The following MAML2 variants were observed in gnomAD, a reference collection of about 807,000 sequenced individuals.
MAML2 encodes the protein mastermind-like protein 2.
A neutral mutation model predicts 96.1 loss-of-function variants in MAML2; 22 were observed. The observed-to-expected ratio is 0.23, with a 90% confidence interval of 0.16 to 0.33. MAML2 has a LOEUF of 0.33. MAML2 is among the 10% of genes least tolerant of loss of function. MAML2 has a pLI of 1.00. For missense variants in MAML2, 1,367 were observed against 1,392.4 expected (o/e 0.98, Z 0.29); for synonymous variants, 561 against 521.3 (o/e 1.08, Z -1.04).
intron 1 of MAML2, among the ~76,000 whole-genome samples, chr11:96,219,191 A>C (rs1862096043): frequency 6.6e-6 from 1 of 152,240 alleles, no homozygotes; most frequent in South Asian, 2.1e-4. Flanking sequence ...TGGGCACTCA[A>C]TGTATTTAGG....
intron 2 of MAML2, among the ~76,000 whole-genome samples, chr11:96,058,038 T>G (rs1859096652): frequency 6.6e-6 from 1 of 152,266 alleles, no homozygotes; most frequent in Non-Finnish European, 1.5e-5. Context: ...AAGTTAGGTC[T>G]TAAATCTGTG....
At chr11:96,308,632 C>A (rs932850789) in intron 1 of MAML2, among the ~76,000 whole-genome samples, 1 of 152,204 alleles carries the variant, frequency 6.6e-6, no homozygotes, top group Non-Finnish European at 1.5e-5. Flanking sequence ...GTTGCTCTAA[C>A]ATCTCAGAAT....
At chr11:96,129,477 C>A (rs180755334) in intron 1 of MAML2, among the ~76,000 whole-genome samples, 1 of 152,218 alleles carries the variant, frequency 6.6e-6, no homozygotes, top group Non-Finnish European at 1.5e-5. Flanking sequence ...TACTTTATAC[C>A]CTTGGCTGCA....
At chr11:96,035,487 T>A (rs1028737052) in intron 2 of MAML2, among the ~76,000 whole-genome samples, 8 of 152,174 alleles carry the variant, frequency 5.3e-5, no homozygotes, top group African/African-American at 1.9e-4. Flanking sequence ...TGTTAGCTCC[T>A]GGCACTGGAA....
At chr11:96,013,475 T>C (rs1858295322) in intron 2 of MAML2, among the ~76,000 whole-genome samples, 1 of 151,914 alleles carries the variant, frequency 6.6e-6, no homozygotes, top group Non-Finnish European at 1.5e-5. Flanking sequence ...AAGTACTGGG[T>C]AGAGAAAGGC....
intron 1 of MAML2, among the ~76,000 whole-genome samples, chr11:96,100,850 A>T (rs540377119): frequency 6.7e-6 from 1 of 150,056 alleles, no homozygotes; most frequent in Non-Finnish European, 1.5e-5. Flanking sequence ...GGCTTAAGTG[A>T]TCCTTTCCCC....
intron 1 of MAML2, among the ~76,000 whole-genome samples, chr11:96,148,767 AAGAC>A (rs1265181863): frequency 1.3e-5 from 2 of 151,160 alleles, no homozygotes; most frequent in African/African-American, 4.9e-5. Context: ...GTGTATGAGA[AAGAC>A]AGACAGCACA....
intron 2 of MAML2, among the ~76,000 whole-genome samples, chr11:96,048,316 G>T (rs988849178): frequency 2.6e-5 from 4 of 152,112 alleles, no homozygotes; most frequent in African/African-American, 9.7e-5. Context: ...GAATCAAAAT[G>T]TAGTATAAAA....
At chr11:96,010,212 T>C (rs2135727040) in intron 2 of MAML2, among the ~76,000 whole-genome samples, 1 of 152,362 alleles carries the variant, frequency 6.6e-6, no homozygotes, top group East Asian at 1.9e-4. Context: ...TATGGATACA[T>C]ATTTAAACAT....
chr11:96,172,141 A>T (rs982822033), intron 1 of MAML2, among the ~76,000 whole-genome samples: 1 of 152,192 alleles, frequency 6.6e-6, no homozygotes, highest in African/African-American at 2.4e-5. Flanking sequence ...AAAAGTTTAG[A>T]CCTCTGCTTA....
At chr11:96,272,608 C>T (rs1862932748) in intron 1 of MAML2, among the ~76,000 whole-genome samples, 1 of 152,162 alleles carries the variant, frequency 6.6e-6, no homozygotes, top group Non-Finnish European at 1.5e-5. Flanking sequence ...TGTTGTTTTG[C>T]AAAGGCTGGA....
intron 2 of MAML2, among the ~76,000 whole-genome samples, chr11:96,078,429 T>C (rs1185300850): frequency 6.6e-6 from 1 of 152,226 alleles, no homozygotes; most frequent in African/African-American, 2.4e-5. Flanking sequence ...TTCTTTAAAT[T>C]GTTCCTACAG....
Position 96,342,558 on chromosome 11 carries a change from C to T in MAML2, c.-663G>A, listed in dbSNP as rs1864013355. On this transcript the variant is annotated 5_prime_UTR_variant, in exon 1 of 5. Transcript: ENST00000524717. ...TGTCTTTTGGCTTTTAATTTTTCCT[C>T]CCTTTCCTTTCGCTCCGGTGTTTTC... 7.6e-6 allele frequency: 3 copies of T among 396,724 alleles called. No individual in the cohort carries two copies. Among genetic ancestry groups the T allele is most frequent in the South Asian group, 1.4e-4 (1 of 7,154 alleles). The allele number at this position is 396,724 out of a possible 1,614,324, so 24.6% of individuals were successfully genotyped here.
In MAML2 at chr11:95,979,687, G is replaced by A; in HGVS notation, c.2732C>T (p.Pro911Leu). 6.2e-7 allele frequency: 1 copy of A among 1,613,944 alleles called. No individual in the cohort carries two copies. Among genetic ancestry groups the A allele is most frequent in the Non-Finnish European group, 8.5e-7 (1 of 1,179,876 alleles). Residue 911 changes from proline (P) to leucine (L), a missense_variant, in exon 5 of 5, where the codon CCA becomes CTA. Coordinates refer to ENST00000524717, the MANE Select transcript of MAML2 (RefSeq NM_032427.4). ...ATTATTACTTGGCCCTAAGGTAGGT[G>A]GCCGTGGCATCATAGGGTTGTTTTG... ...ANQNNPMMPR[P>L]PTLGPSNNNN...
Position 96,065,321 on chromosome 11 carries a change from C to G in MAML2, c.2139+26571G>C, listed in dbSNP as rs112915213. Reference sequence around the variant, plus strand: ...TGTTAGTTTCCATGGCATATCAGGGCAAAGTATGTGATTTTAAAAAAATAT... The same window carrying G: ...TGTTAGTTTCCATGGCATATCAGGGGAAAGTATGTGATTTTAAAAAAATAT... On this transcript the variant is annotated intron_variant, in intron 2 of 4. Transcript: ENST00000524717. 8.3e-3 allele frequency among the ~76,000 whole-genome samples: 1,264 copies of G among 152,054 alleles called. 15 individuals carry two copies. The highest frequency in any genetic ancestry group is 0.035 in the South Asian group (169 of 4,816).
chr11:96,005,124 G>A (rs544838138), intron 2 of MAML2, among the ~76,000 whole-genome samples: 4 of 152,322 alleles, frequency 2.6e-5, no homozygotes, highest in African/African-American at 7.2e-5. Context: ...CACAGCCTCC[G>A]TAACAGTGAG....
At chr11:96,032,735 T>C (rs1472806153) in intron 2 of MAML2, among the ~76,000 whole-genome samples, 1 of 152,156 alleles carries the variant, frequency 6.6e-6, no homozygotes. Flanking sequence ...ATTACTGATA[T>C]ATTTAAATCA....
chr11:96,137,757 A>ATAT (rs773396083), intron 1 of MAML2, among the ~76,000 whole-genome samples: 1 of 152,222 alleles, frequency 6.6e-6, no homozygotes, highest in Non-Finnish European at 1.5e-5. Flanking sequence ...TGGATAATGA[A>ATAT]TATTATTATT....
Position 95,986,581 on chromosome 11 carries a change from TATATGAA to T in MAML2, c.2344-946_2344-940del, listed in dbSNP as rs570033310. Among the ~76,000 whole-genome samples the T allele has an allele frequency of 3.1e-3, 473 of 152,264 alleles. 1 individual carries two copies. The highest frequency in any genetic ancestry group is 5.7e-3 in the Non-Finnish European group (388 of 68,010). On this transcript the variant is annotated intron_variant, in intron 3 of 4. Transcript: ENST00000524717. ...AACCAACAGGTACCGATATAGGCAC[TATATGAA>T]TTTTATCTCTTTTTTACCTTCGCAT...
Sources: allele counts gnomAD v4.1 joint callset (sites outside exome capture counted in the v4.1 genomes callset), GRCh38; gene constraint gnomAD v4.1.1; transcripts MANE v1.5; gene names NCBI Gene and HGNC (gene_info 2026-07-23, HGNC 2026-07-21).